Variants in ACTR10 observed in about 807,000 individuals in gnomAD.
ACTR10 encodes the protein actin related protein 10.
Under a neutral mutation model 56.2 loss-of-function variants are expected in ACTR10, and 43 were observed. The observed-to-expected ratio is 0.77, with a 90% CI of 0.60 to 0.99. ACTR10 has a LOEUF of 0.99. Among genes scored for constraint, ACTR10 ranks in the 50% least tolerant of loss-of-function variants. The pLI is 0.00. For missense variants in ACTR10, 466 were observed against 507.8 expected, an observed-to-expected ratio of 0.92 and a Z score of 0.79; for synonymous variants, 170 against 176.3, an observed-to-expected ratio of 0.96 and a Z score of 0.28.
chr14:58,233,264 A>C (rs867719405), intron 12 of ACTR10, among the ~76,000 whole-genome samples: 7 of 152,246 alleles, frequency 4.6e-5, no homozygotes, highest in Middle Eastern at 6.8e-3. Flanking sequence ...TATATTTGTG[A>C]CTGAGTTCAT....
chr14:58,200,331 G>C, intron 1 of ACTR10, 37 bp downstream of exon 1: 1 of 1,459,800 alleles, frequency 6.9e-7, no homozygotes, highest in Non-Finnish European at 9.1e-7. Flanking sequence ...TCGACCCGAG[G>C]GGAGGGCGGG....
chr14:58,210,671 CT>C (rs1352649459), intron 4 of ACTR10, among the ~76,000 whole-genome samples: 3 of 122,522 alleles, frequency 2.4e-5, no homozygotes, highest in South Asian at 2.5e-4. Flanking sequence ...TTGACCTCTT[CT>C]TTTTTTCTTT....
intron 10 of ACTR10, among the ~76,000 whole-genome samples, chr14:58,228,307 ACTTAACT>A (rs1889448113): frequency 6.6e-6 from 1 of 152,170 alleles, no homozygotes; most frequent in South Asian, 2.1e-4. Flanking sequence ...AGAAGGAAGT[ACTTAACT>A]CTTAATTGAA....
chr14:58,233,144 A>T (rs984055105), intron 12 of ACTR10, among the ~76,000 whole-genome samples: 5 of 152,122 alleles, frequency 3.3e-5, no homozygotes, highest in African/African-American at 9.7e-5. Context: ...AAGTGCTGGG[A>T]TTACAGGTGT....
rs1024918086 is a variant in ACTR10, at chr14:58,223,802, A to T, written c.734A>T (p.Asn245Ile). Residue 245 changes from asparagine to isoleucine, a missense_variant, in exon 10 of 13, where the codon AAT (asparagine) becomes ATT (isoleucine). Coordinates refer to ENST00000254286, the MANE Select transcript of ACTR10 (RefSeq NM_018477.3). ...TTTCAGCGTCCCTCCCCACCCCCAA[A>T]TGTTGACTATCCATTAGATGGAGAG... ...GNNERPSPPPNVDYPLDGEKI... is the reference protein window; with the variant it reads ...GNNERPSPPPIVDYPLDGEKI... 6.3e-5 allele frequency: 101 copies of T among 1,613,062 alleles called. No homozygotes were observed. The highest frequency in any genetic ancestry group is 8.5e-5 in the Non-Finnish European group (100 of 1,179,274).
At chr14:58,207,442 A>T (rs1259332583) in intron 2 of ACTR10, among the ~76,000 whole-genome samples, 1 of 151,940 alleles carries the variant, frequency 6.6e-6, no homozygotes, top group African/African-American at 2.4e-5. Flanking sequence ...CTCCTGCCTC[A>T]GTCTCCAGAG....
chr14:58,232,604 C>T lies in ACTR10; in HGVS notation c.1072+337C>T, dbSNP rs535328342. ...CTAATTTTTGTATTTTTAGTAGAGA[C>T]GGGGTTTCACCATGTTGGCCAGGAT... On this transcript the variant is annotated intron_variant, in intron 12 of 12. Transcript: ENST00000254286. Among the ~76,000 whole-genome samples the T allele has an allele frequency of 1.9e-4, 29 of 151,196 alleles. No individual in the cohort carries two copies. The South Asian group carries it at 4.0e-3, about 21-fold the overall frequency.
chr14:58,202,134 G>T (rs569738230), intron 1 of ACTR10, among the ~76,000 whole-genome samples: 9 of 152,080 alleles, frequency 5.9e-5, no homozygotes, highest in African/African-American at 2.2e-4. Context: ...ATAAGAAGTA[G>T]ACTGAAAGTG....
intron 2 of ACTR10, among the ~76,000 whole-genome samples, chr14:58,204,119 C>A (rs190799207): frequency 6.2e-4 from 94 of 151,868 alleles, no homozygotes; most frequent in African/African-American, 2.2e-3. Flanking sequence ...GCAGATTACA[C>A]GCCTGTAATC....
At chr14:58,223,404 C>G (rs1889324958) in intron 8 of ACTR10, 3 of 490,818 alleles carry the variant, frequency 6.1e-6, no homozygotes, top group African/African-American at 4.0e-5. Context: ...TCCCAAAGTG[C>G]TGGGATTACA....
chr14:58,207,348 C>T (rs1012126800), intron 2 of ACTR10, among the ~76,000 whole-genome samples: 17 of 146,664 alleles, frequency 1.2e-4, no homozygotes, highest in African/African-American at 3.1e-4. Flanking sequence ...TTTTTTGAGA[C>T]GGAATCTGGT....
chr14:58,230,136 G>A (rs1889495679), intron 10 of ACTR10, among the ~76,000 whole-genome samples: 1 of 152,102 alleles, frequency 6.6e-6, no homozygotes, highest in Admixed American at 6.6e-5. Flanking sequence ...CATAATAATA[G>A]TAACAGCTAA....
chr14:58,206,342 AT>A (rs71107920), intron 2 of ACTR10, among the ~76,000 whole-genome samples: 67 of 144,948 alleles, frequency 4.6e-4, no homozygotes, highest in East Asian at 4.1e-4. Flanking sequence ...CACCCAGCTA[AT>A]TTTTTTTTTT....
At chr14:58,220,422 T>C (rs1335282336) in intron 8 of ACTR10, among the ~76,000 whole-genome samples, 1 of 152,208 alleles carries the variant, frequency 6.6e-6, no homozygotes, top group East Asian at 1.9e-4. Flanking sequence ...ACAAAATAGA[T>C]CTTGCTTTCC....
chr14:58,204,430 G>C (rs1164673437), intron 2 of ACTR10, among the ~76,000 whole-genome samples: 1 of 151,652 alleles, frequency 6.6e-6, no homozygotes, highest in African/African-American at 2.4e-5. Flanking sequence ...CGCACCTGTA[G>C]TCCCCAGCTA....
At position 58,202,922 on chromosome 14, in the gene ACTR10, C is replaced by A; in HGVS notation, c.145C>A (p.Pro49Thr). ...TAGTGTGATAAAAAGAGCTGGGATG[C>A]CTAAGGTATTTAAAAAAAAATATTA... is the stretch of plus-strand genomic sequence containing the variant. ...IPSVIKRAGM[P>T]KPVRVVQYNI... is the part of the protein sequence containing the mutation. The change falls in exon 2 of 13, where the codon CCT becomes ACT. Residue 49 changes from proline to threonine, a missense_variant. Transcript: ENST00000254286. The A allele has an allele frequency of 1.3e-6, 2 of 1,566,132 alleles. No individual in the cohort carries two copies. The highest frequency in any genetic ancestry group is 1.2e-5 in the South Asian group (1 of 86,678).
intron 5 of ACTR10, among the ~76,000 whole-genome samples, chr14:58,212,591 TAAAAC>T (rs1019549392): frequency 2.0e-5 from 3 of 152,288 alleles, no homozygotes; most frequent in Admixed American, 2.0e-4. Context: ...GTTTAATTCT[TAAAAC>T]AACCATGCAA....
intron 5 of ACTR10, 153 bp from the exon 6 acceptor site, chr14:58,213,478 C>A (rs1041204389): frequency 3.0e-5 from 14 of 467,050 alleles, no homozygotes; most frequent in Middle Eastern, 5.5e-4. Flanking sequence ...TGAAAAAAAA[C>A]TTACTCTTTG....
chr14:58,210,905 C>T (rs563614952), intron 4 of ACTR10, among the ~76,000 whole-genome samples: 2 of 152,240 alleles, frequency 1.3e-5, no homozygotes, highest in African/African-American at 4.8e-5. Context: ...GAACTCCTGA[C>T]CTCGGGTGAT....
Sources: gnomAD v4.1 joint callset for allele counts (sites outside exome capture counted in the v4.1 genomes callset) on GRCh38, gnomAD v4.1.1 for gene constraint, MANE v1.5 for transcripts, NCBI Gene and HGNC (gene_info 2026-07-23, HGNC 2026-07-21) for gene names.